C1S: variants seen among roughly 807,000 people sequenced by gnomAD.
C1S encodes complement C1s subcomponent.
In C1S, 31 loss-of-function variants were observed where a neutral mutation model predicts 54.0. The observed-to-expected ratio is 0.57, with a 90% CI of 0.43 to 0.78. The LOEUF (loss-of-function observed/expected upper bound fraction) is 0.78, where lower values mean the gene tolerates loss of function less well. Among genes scored for constraint, C1S ranks in the 30% least tolerant of loss-of-function variants. The probability of loss-of-function intolerance (pLI) is 0.00; values close to 1 mark genes in which losing one functional copy is unlikely to be tolerated. For missense variants in C1S, 727 were observed against 851.8 expected (o/e 0.85, Z 1.82); for synonymous variants, 292 against 303.6 (o/e 0.96, Z 0.40).
rs879973933 is a variant in C1S, at chr12:7,068,841, A to G, written c.1270+311A>G. 5.5e-5 allele frequency: 22 copies of G among 397,102 alleles called. No individual in the cohort carries two copies. In the Admixed American group the frequency reaches 7.9e-4, roughly 14 times the overall value. 24.6% of individuals were successfully genotyped at this position (397,102 alleles called of 1,614,324 possible). On this transcript the variant is annotated intron_variant, in intron 11 of 11. Transcript: ENST00000360817. Reference sequence around the variant, plus strand: ...CCTGAAAGCTGAGAGTGTGTGAGTAATCAACACTCAGAAACAAGTCTAGCT... The same window carrying G: ...CCTGAAAGCTGAGAGTGTGTGAGTAGTCAACACTCAGAAACAAGTCTAGCT...
chr12:7,062,286 A>AAAAG, intron 2 of C1S, 189 bp from the exon 3 acceptor site: 1 of 563,166 alleles, frequency 1.8e-6, no homozygotes, highest in Non-Finnish European at 3.2e-6. Flanking sequence ...AAAAAAAAAA[A>AAAAG]GGGCTCTTGT....
chr12:7,070,863 T>TC lies in C1S; in HGVS notation c.*216dup, dbSNP rs1937839286. 2 of 597,606 alleles carry TC rather than the reference T, an allele frequency of 3.3e-6. No individual in the cohort carries two copies. The highest frequency in any genetic ancestry group is 3.0e-6 in the Non-Finnish European group (1 of 332,778). The allele number at this position is 597,606 out of a possible 1,614,324, so 37.0% of individuals were successfully genotyped here. Reference sequence around the variant, plus strand: ...TGTGGTCTGACTCCTTGGGGTCCTTTCCCCGGAGTACCTATTGTAGATAAC... The same window carrying TC: ...TGTGGTCTGACTCCTTGGGGTCCTTTCCCCCGGAGTACCTATTGTAGATAAC... On this transcript the variant is annotated 3_prime_UTR_variant, in exon 12 of 12. Coordinates refer to ENST00000360817, the MANE Select transcript of C1S (RefSeq NM_001734.5). This position sits in a 1 kb window ranked among gnomAD's most constrained non-coding sequence, Gnocchi z 4.9.
At chr12:7,064,777 C>T (rs782211446) in intron 5 of C1S, among the ~76,000 whole-genome samples, 65 of 152,142 alleles carry the variant, frequency 4.3e-4, no homozygotes, top group South Asian at 2.3e-3. Flanking sequence ...GAGATGAAGC[C>T]ACAAGAAGGA....
At chr12:7,067,579 C>T in intron 9 of C1S, 64 bp from the exon 10 acceptor site, 1 of 1,594,096 alleles carries the variant, frequency 6.3e-7, no homozygotes, top group Admixed American at 1.7e-5. Context: ...TGAACCTGGC[C>T]CCATGACTCT....
In C1S at chr12:7,061,873, A is replaced by G. The variant is rs200349569; in HGVS notation, c.-40A>G. On this transcript the variant is annotated 5_prime_UTR_variant, in exon 2 of 12. Transcript: ENST00000360817. The stretch of plus-strand genomic sequence containing the variant: ...TCCGGAGGTGCAGAAAGCCAGGACC[A>G]AGAGACAGGCAGCTCACCAGGGTGG... 301 of 1,613,820 alleles carry G rather than the reference A, an allele frequency of 1.9e-4. 1 individual carries two copies. Among genetic ancestry groups the G allele is most frequent in the Non-Finnish European group, 2.4e-4 (287 of 1,179,742 alleles).
At chr12:7,065,364 A>ATT in intron 6 of C1S, 65 bp downstream of exon 6, 1 of 1,290,398 alleles carries the variant, frequency 7.7e-7, no homozygotes. Context: ...CTGAAGACAA[A>ATT]TTTTTTTTTC....
chr12:7,063,393 T>A (rs1414948669), intron 4 of C1S: 2 of 472,628 alleles, frequency 4.2e-6, no homozygotes, highest in Non-Finnish European at 8.4e-6. Flanking sequence ...TAGGTATTAT[T>A]TGCTCCATAT....
rs782391673 is a variant in C1S, at chr12:7,070,378, G to A, written c.1794G>A (p.Val598=). ...CTCCTTTAAGAAAATGCAAAGAAGT[G>A]AAAGTGGAGAAACCCACAGCAGATG... ...PVAPLRKCKE[V]KVEKPTADAE... is the part of the protein sequence containing the mutation. The change falls in exon 12 of 12, where the codon GTG becomes GTA. Residue 598 remains valine, a synonymous_variant. Coordinates refer to ENST00000360817, the MANE Select transcript of C1S (RefSeq NM_001734.5). The surrounding 1 kb of genome is among the most constrained non-coding windows in gnomAD (Gnocchi z 4.9). 1 of 1,614,248 alleles carries A rather than the reference G, an allele frequency of 6.2e-7. No individual in the cohort carries two copies. Among genetic ancestry groups the A allele is most frequent in the Non-Finnish European group, 8.5e-7 (1 of 1,180,050 alleles).
At position 7,061,792 on chromosome 12, in the gene C1S, G is replaced by T. The variant is rs782802928; in HGVS notation, c.-74-47G>T. ...AGGTGACGCCGCACCACCAAAGAAG[G>T]TGCTTGTGTTTGTCAGACAAATACA... On this transcript the variant is annotated intron_variant, in intron 1 of 11. Transcript: ENST00000360817. 18 of 1,070,412 alleles carry T rather than the reference G, an allele frequency of 1.7e-5. No individual in the cohort carries two copies. The East Asian group carries it at 1.7e-4, about 10-fold the overall frequency. The allele number at this position is 1,070,412 out of a possible 1,614,324, so 66.3% of individuals were successfully genotyped here. A position where few individuals can be genotyped will look rare whatever the true frequency, so the allele number is the denominator to read the frequency against.
chr12:7,070,859 C>CAGA lies in C1S; in HGVS notation c.*208_*209insAGA. On this transcript the variant is annotated 3_prime_UTR_variant, in exon 12 of 12. Transcript: ENST00000360817. This position sits in a 1 kb window ranked among gnomAD's most constrained non-coding sequence, Gnocchi z 4.9. ...CATTTGTGGTCTGACTCCTTGGGGT[C>CAGA]CTTTCCCCGGAGTACCTATTGTAGA... 1 of 603,302 alleles carries CAGA rather than the reference C, an allele frequency of 1.7e-6. No individual in the cohort carries two copies. Among genetic ancestry groups the CAGA allele is most frequent in the Non-Finnish European group, 3.0e-6 (1 of 336,526 alleles). The allele number at this position is 603,302 out of a possible 1,614,324, so 37.4% of individuals were successfully genotyped here.
rs1947155828 is a variant in C1S at position 7,065,173 on chromosome 12, A to G, written c.591A>G (p.Pro197=). The G allele has an allele frequency of 6.2e-7, 1 of 1,613,988 alleles. No homozygotes were observed. Among genetic ancestry groups the G allele is most frequent in the African/African-American group, 1.3e-5 (1 of 74,928 alleles). The change falls in exon 6 of 12, where the codon CCA becomes CCG. Residue 197 remains proline (P), a synonymous_variant. Transcript: ENST00000360817. The part of the protein sequence containing the change: ...IASPNYPKPY[P]ENSRCEYQIR... ...GTCCCAATTATCCCAAACCATATCC[A>G]GAGAACTCAAGGTGTGAATACCAGA...
rs1331982735 is a variant in C1S at position 7,069,983 on chromosome 12, G to T, written c.1399G>T (p.Glu467Ter). The T allele has an allele frequency of 6.2e-7, 1 of 1,614,198 alleles. No individual in the cohort carries two copies. The highest frequency in any genetic ancestry group is 8.5e-7 in the Non-Finnish European group (1 of 1,180,040). Residue 467 changes from glutamate to a stop codon, truncating the protein, a stop_gained, in exon 12 of 12, where the codon GAG (glutamate) becomes TAG (stop). Transcript: ENST00000360817. LOFTEE classifies it low-confidence loss of function (END_TRUNC). ...NPWAGGALIN[E>*]YWVLTAAHVV... Reference sequence around the variant, plus strand: ...ATGGGCTGGTGGAGCGCTCATTAATGAGTACTGGGTGCTGACGGCTGCTCA... The same window carrying T: ...ATGGGCTGGTGGAGCGCTCATTAATTAGTACTGGGTGCTGACGGCTGCTCA...
Position 7,065,308 on chromosome 12 carries a change from T to C in C1S, c.717+9T>C. On this transcript the variant is annotated intron_variant, in intron 6 of 11. Coordinates refer to ENST00000360817, the MANE Select transcript of C1S (RefSeq NM_001734.5). ...GCCTTGACAGTTTAGTTGTGCGTGA[T>C]GGTTGATTAATACCCCACCCTTAAC... 6.2e-7 allele frequency: 1 copy of C among 1,604,608 alleles called. No homozygotes were observed. Among genetic ancestry groups the C allele is most frequent in the Non-Finnish European group, 8.5e-7 (1 of 1,171,294 alleles).
At chr12:7,066,775 A>C (rs1937677823) in intron 8 of C1S, 142 bp downstream of exon 8, 1 of 721,892 alleles carries the variant, frequency 1.4e-6, no homozygotes, top group African/African-American at 1.7e-5. Context: ...TAAGATCTGT[A>C]GTTCTCCCTT....
chr12:7,068,909 A>G (rs978159969), intron 11 of C1S: 6 of 240,842 alleles, frequency 2.5e-5, no homozygotes, highest in Non-Finnish European at 4.2e-5. Context: ...GGGCAGCAAG[A>G]TATAGAGGAA....
intron 11 of C1S, 62 bp from the exon 12 acceptor site, chr12:7,069,792 AG>A: frequency 7.4e-7 from 1 of 1,348,680 alleles, no homozygotes; most frequent in East Asian, 2.3e-5. Flanking sequence ...GAGTGGTTGG[AG>A]GATTTGCAGG....
chr12:7,067,209 T>G, intron 9 of C1S, 92 bp downstream of exon 9: 1 of 959,048 alleles, frequency 1.0e-6, no homozygotes, highest in South Asian at 1.3e-5. Flanking sequence ...GGTTTCCTCT[T>G]AGGCATGTGA....
chr12:7,064,251 T>C lies in C1S; in HGVS notation c.392-16T>C, dbSNP rs782165247. ...GGTGTTTGTTCTTGACCTCAGCCTCTTTCTACTCTTTGTAGACATAAATGA... is the reference window on the plus strand; with the variant it reads ...GGTGTTTGTTCTTGACCTCAGCCTCCTTCTACTCTTTGTAGACATAAATGA... On this transcript the variant is annotated splice_polypyrimidine_tract_variant and intron_variant, in intron 4 of 11. Coordinates refer to ENST00000360817, the MANE Select transcript of C1S (RefSeq NM_001734.5). The C allele has an allele frequency of 4.3e-6, 7 of 1,613,868 alleles. No individual in the cohort carries two copies. In the Admixed American group the frequency reaches 6.7e-5, roughly 15 times the overall value.
intron 4 of C1S, chr12:7,063,432 G>T (rs189453338): frequency 7.2e-5 from 32 of 446,016 alleles, no homozygotes; most frequent in African/African-American, 4.4e-4. Context: ...GACTAGGAAA[G>T]TTAATAACTT....
Sources: allele counts gnomAD v4.1 joint callset (sites outside exome capture counted in the v4.1 genomes callset), GRCh38; gene constraint gnomAD v4.1.1; non-coding constraint Gnocchi (gnomAD v3.1); transcripts MANE v1.5; gene names NCBI Gene and HGNC (gene_info 2026-07-23, HGNC 2026-07-21).